BCL11B: variants seen among roughly 807,000 people sequenced by gnomAD.
The protein encoded by BCL11B is B-cell lymphoma/leukemia 11B.
In BCL11B, 8 loss-of-function variants were observed where a neutral mutation model predicts 49.9. That is an observed-to-expected ratio of 0.16 (90% CI 0.09 to 0.29). The LOEUF (loss-of-function observed/expected upper bound fraction) is 0.29. Ranked by LOEUF, BCL11B falls within the 10% of genes least tolerant of loss-of-function variation. BCL11B has a pLI of 1.00. For synonymous variants in BCL11B, 739 were observed against 637.4 expected, an observed-to-expected ratio of 1.16 and a Z score of -2.40; for missense variants, 1,006 against 1,351.0, an observed-to-expected ratio of 0.74 and a Z score of 4.00.
intron 1 of BCL11B, among the ~76,000 whole-genome samples, chr14:99,270,713 G>A (rs1427488752): frequency 6.6e-6 from 1 of 151,338 alleles, no homozygotes; most frequent in Non-Finnish European, 1.5e-5. Context: ...CGTCAGCGCG[G>A]ACCCACGCGC....
chr14:99,268,713 T>C (rs995102311), intron 1 of BCL11B, among the ~76,000 whole-genome samples: 4 of 152,160 alleles, frequency 2.6e-5, no homozygotes, highest in South Asian at 2.1e-4. Context: ...TGAAAACTGG[T>C]TGGACCACTC....
chr14:99,179,616 C>T (rs1026582175), intron 3 of BCL11B, among the ~76,000 whole-genome samples: 4 of 152,086 alleles, frequency 2.6e-5, no homozygotes, highest in African/African-American at 9.7e-5. Context: ...CCCGTCCTGC[C>T]TGGAAAGCTC....
At position 99,205,158 on chromosome 14, in the gene BCL11B, TA is replaced by T. The variant is rs1033985941; in HGVS notation, c.640+26186del. On this transcript the variant is annotated intron_variant, in intron 3 of 3. Coordinates refer to ENST00000357195, the MANE Select transcript of BCL11B (RefSeq NM_138576.4). The surrounding 1 kb of genome is among the most constrained non-coding windows in gnomAD (Gnocchi z 5.0). ...TTTCACAACAGTAGGAAGAGGGAATTAAAAAAAAAACAGGCCCTTGAACGAA... is the reference window on the plus strand; with the variant it reads ...TTTCACAACAGTAGGAAGAGGGAATTAAAAAAAAACAGGCCCTTGAACGAA... Among the ~76,000 whole-genome samples, 6 of 148,006 alleles carry T rather than the reference TA, an allele frequency of 4.1e-5. No homozygotes were observed. The highest frequency in any genetic ancestry group is 2.0e-4 in the East Asian group (1 of 5,072).
chr14:99,240,320 A>T (rs893445125), intron 2 of BCL11B, among the ~76,000 whole-genome samples: 3 of 152,056 alleles, frequency 2.0e-5, no homozygotes, highest in South Asian at 2.1e-4. Context: ...CTATTGTAAT[A>T]AAAAAAATAC....
At position 99,176,140 on chromosome 14, in the gene BCL11B, G is replaced by A. The variant is rs1467650775; in HGVS notation, c.696C>T (p.Ser232=). ...ICTTCKQPFN[S]AWFLLQHAQN... ...GCGCGTGCTGCAGCAGGAACCACGC[G>A]CTGTTGAAGGGCTGCTTGCATGTTG... is the stretch of plus-strand genomic sequence containing the variant. The change falls in exon 4 of 4, where the codon AGC becomes AGT. Residue 232 remains serine (S), a synonymous_variant. Coordinates refer to ENST00000357195, the MANE Select transcript of BCL11B (RefSeq NM_138576.4). 1 of 1,612,262 alleles carries A rather than the reference G, an allele frequency of 6.2e-7. No homozygotes were observed. Among genetic ancestry groups the A allele is most frequent in the Non-Finnish European group, 8.5e-7 (1 of 1,179,050 alleles).
intron 1 of BCL11B, among the ~76,000 whole-genome samples, chr14:99,258,339 G>A (rs1011252805): frequency 6.6e-6 from 1 of 152,198 alleles, no homozygotes; most frequent in Non-Finnish European, 1.5e-5. Flanking sequence ...GATTCCAATG[G>A]GCAGCCAGGG....
At position 99,187,550 on chromosome 14, in the gene BCL11B, AT is replaced by A. The variant is rs1886889828; in HGVS notation, c.641-11356del. ...CCCAACATGAGAGTTTTCTGAAAGG[AT>A]TCTAGAACTCTGGGGACAGGAATTT... On this transcript the variant is annotated intron_variant, in intron 3 of 3. Transcript: ENST00000357195. Among the ~76,000 whole-genome samples the A allele has an allele frequency of 2.0e-5, 3 of 151,400 alleles. No individual in the cohort carries two copies. The Admixed American group carries it at 2.0e-4, about 10-fold the overall frequency.
rs1404439427 is a variant in BCL11B at position 99,231,621 on chromosome 14, T to TGGGACGGGGCTCGGGGC, written c.428-81_428-65dup. 2.3e-6 allele frequency: 3 copies of TGGGACGGGGCTCGGGGC among 1,326,552 alleles called. No individual in the cohort carries two copies. The highest frequency in any genetic ancestry group is 3.1e-5 in the African/African-American group (2 of 65,486). The allele number at this position is 1,326,552 out of a possible 1,614,324, so 82.2% of individuals were successfully genotyped here. On this transcript the variant is annotated intron_variant, in intron 2 of 3. Transcript: ENST00000357195. The surrounding 1 kb of genome is among the most constrained non-coding windows in gnomAD (Gnocchi z 8.1). ...CCTGGACTGTGTGAGGGGCACGGGG[T>TGGGACGGGGCTCGGGGC]GGGACGGGGCTCGGGGCGTGGGGCT...
At chr14:99,251,498 A>C (rs1889006516) in intron 2 of BCL11B, among the ~76,000 whole-genome samples, 1 of 152,238 alleles carries the variant, frequency 6.6e-6, no homozygotes, top group Non-Finnish European at 1.5e-5. Flanking sequence ...CCACAAAATA[A>C]AACAAATAAT....
In BCL11B at chr14:99,232,594, C is replaced by A. The variant is rs1257415; in HGVS notation, c.428-1037G>T. ...GAGTCTGCCCACTCCAGGGCCCCCA[C>A]GTGGATTCCCCCATCGCAAGGAGAG... On this transcript the variant is annotated intron_variant, in intron 2 of 3. Transcript: ENST00000357195. The surrounding 1 kb of genome is among the most constrained non-coding windows in gnomAD (Gnocchi z 5.1). Among the ~76,000 whole-genome samples, 62,134 of 152,072 alleles carry A rather than the reference C, an allele frequency of 0.41. 13,500 individuals are homozygous for A. The highest frequency in any genetic ancestry group is 0.5 in the Non-Finnish European group (33,707 of 67,934).
intron 3 of BCL11B, among the ~76,000 whole-genome samples, chr14:99,183,612 T>G (rs543271074): frequency 1.3e-5 from 2 of 152,172 alleles, no homozygotes; most frequent in East Asian, 3.9e-4. Context: ...AATACCTGCC[T>G]TCCTGGGTCG....
At chr14:99,186,428 G>A (rs1427801120) in intron 3 of BCL11B, among the ~76,000 whole-genome samples, 2 of 152,220 alleles carry the variant, frequency 1.3e-5, no homozygotes, top group Non-Finnish European at 2.9e-5. Context: ...GCTGAGGGAG[G>A]AGAATTGCTT....
At position 99,175,640 on chromosome 14, in the gene BCL11B, G is replaced by T. The variant is rs774985123; in HGVS notation, c.1196C>A (p.Pro399His). The T allele has an allele frequency of 1.3e-6, 2 of 1,561,642 alleles. No homozygotes were observed. Among genetic ancestry groups the T allele is most frequent in the Admixed American group, 1.9e-5 (1 of 53,944 alleles). ...CGGCGTGCTCAGGAACGGGGACTTG[G>T]GGCTGGGCTGGAAGGGGTTCAGGAG... is the stretch of plus-strand genomic sequence containing the variant. ...HRLLNPFQPS[P>H]KSPFLSTPPL... is the part of the protein sequence containing the mutation. Residue 399 changes from proline to histidine, a missense_variant, in exon 4 of 4, where the codon CCC becomes CAC. Physicochemically the swap from Pro to His is moderately conservative, Grantham distance 77 (BLOSUM62 -2). Coordinates refer to ENST00000357195, the MANE Select transcript of BCL11B (RefSeq NM_138576.4).
chr14:99,231,599 GGACTGTGT>G lies in BCL11B; in HGVS notation c.428-50_428-43del. The G allele has an allele frequency of 6.5e-7, 1 of 1,536,232 alleles. No individual in the cohort carries two copies. The highest frequency in any genetic ancestry group is 2.4e-5 in the East Asian group (1 of 40,844). ...AGAAAAGACTGGTCAGTCGGGCCCT[GGACTGTGT>G]GAGGGGCACGGGGTGGGACGGGGCT... On this transcript the variant is annotated intron_variant, in intron 2 of 3. Transcript: ENST00000357195. The surrounding 1 kb of genome is among the most constrained non-coding windows in gnomAD (Gnocchi z 8.1).
rs1888321313 is a variant in BCL11B at position 99,231,194 on chromosome 14, C to T, written c.640+151G>A. On this transcript the variant is annotated intron_variant, in intron 3 of 3. Coordinates refer to ENST00000357195, the MANE Select transcript of BCL11B (RefSeq NM_138576.4). This position sits in a 1 kb window ranked among gnomAD's most constrained non-coding sequence, Gnocchi z 8.1. Reference sequence around the variant, plus strand: ...CACCGGGCCCTGGCTCATAGTTCAGCGAACATTCTTTACCACTTCCCCTGG... The same window carrying T: ...CACCGGGCCCTGGCTCATAGTTCAGTGAACATTCTTTACCACTTCCCCTGG... 6.9e-6 allele frequency: 6 copies of T among 865,470 alleles called. No individual in the cohort carries two copies. Among genetic ancestry groups the T allele is most frequent in the South Asian group, 1.8e-5 (1 of 56,650 alleles). The allele number at this position is 865,470 out of a possible 1,614,324, so 53.6% of individuals were successfully genotyped here.
intron 3 of BCL11B, among the ~76,000 whole-genome samples, chr14:99,216,698 A>C (rs1326103115): frequency 6.6e-6 from 1 of 152,182 alleles, no homozygotes; most frequent in Non-Finnish European, 1.5e-5. Context: ...AAGAAAAATA[A>C]TCACAAGTGC....
Position 99,220,557 on chromosome 14 carries a change from G to A in BCL11B, c.640+10788C>T, listed in dbSNP as rs754953919. Among the ~76,000 whole-genome samples the A allele has an allele frequency of 9.2e-5, 14 of 152,140 alleles. 1 individual carries two copies. Among genetic ancestry groups the A allele is most frequent in the South Asian group, 6.2e-4 (3 of 4,826 alleles). On this transcript the variant is annotated intron_variant, in intron 3 of 3. Transcript: ENST00000357195. ...GTAGTCACATTCAGAGAGACAGAAC[G>A]GAGAATGGGGGGCTGGGGAGAGGGG...
intron 2 of BCL11B, among the ~76,000 whole-genome samples, chr14:99,245,515 C>A (rs1888799149): frequency 6.6e-6 from 1 of 152,230 alleles, no homozygotes; most frequent in African/African-American, 2.4e-5. Context: ...GAGGCTCCTT[C>A]CGTCCCGGCC....
At chr14:99,196,393 C>T (rs570473066) in intron 3 of BCL11B, among the ~76,000 whole-genome samples, 4 of 152,272 alleles carry the variant, frequency 2.6e-5, no homozygotes, top group South Asian at 4.2e-4. Flanking sequence ...GGGGGTGCAC[C>T]GGCCACTCCT....
Sources: gnomAD v4.1 joint callset for allele counts (sites outside exome capture counted in the v4.1 genomes callset) on GRCh38, gnomAD v4.1.1 for gene constraint, Gnocchi (gnomAD v3.1) non-coding constraint, MANE v1.5 for transcripts, NCBI Gene and HGNC (gene_info 2026-07-23, HGNC 2026-07-21) for gene names.